PCDHGA2: variants seen among roughly 807,000 people sequenced by gnomAD.
The protein encoded by PCDHGA2 is protocadherin gamma-A2.
PCDHGA2 carries 40 observed loss-of-function variants against 59.2 expected under a neutral mutation model. That is an observed-to-expected ratio of 0.68 (90% CI 0.52 to 0.88). The LOEUF is 0.88. Ranked by LOEUF, PCDHGA2 falls within the 40% of genes least tolerant of loss-of-function variation. The pLI is 0.00. For synonymous variants in PCDHGA2, 560 were observed against 526.0 expected, an observed-to-expected ratio of 1.06 and a Z score of -0.89; for missense variants, 1,226 against 1,204.0, an observed-to-expected ratio of 1.02 and a Z score of -0.27.
intron 1 of PCDHGA2, chr5:141,355,561 G>A (rs754992757): frequency 5.0e-6 from 8 of 1,613,922 alleles, no homozygotes; most frequent in East Asian, 2.2e-5. Flanking sequence ...GCGGGTAGAG[G>A]TGGAAATAAT....
chr5:141,365,052 T>C (rs1179156267), intron 1 of PCDHGA2: 13 of 1,613,872 alleles, frequency 8.1e-6, no homozygotes, highest in Middle Eastern at 1.6e-4. Flanking sequence ...AATGCGCCCC[T>C]GTTCACCCCA....
intron 1 of PCDHGA2, chr5:141,399,381 C>T: frequency 1.2e-6 from 2 of 1,613,982 alleles, no homozygotes; most frequent in Non-Finnish European, 8.5e-7. Flanking sequence ...ATGTCACCAT[C>T]ACAGCCACAG....
At position 141,421,063 on chromosome 5, in the gene PCDHGA2, G is replaced by A. The variant is rs575695102; in HGVS notation, c.2425-73744G>A. 4.7e-4 allele frequency: 274 copies of A among 581,982 alleles called. 4 individuals are homozygous for A. The South Asian group carries it at 6.4e-3, about 14-fold the overall frequency. 36.1% of individuals were successfully genotyped at this position (581,982 alleles called of 1,614,324 possible). On this transcript the variant is annotated intron_variant, in intron 1 of 3. Transcript: ENST00000394576. ...CTCCCCCGCCTCTACCACACAAAGC[G>A]GAATGAGATGGATACTCACAGATCC... is the stretch of plus-strand genomic sequence containing the variant.
At chr5:141,344,090 C>G (rs200693710) in intron 1 of PCDHGA2, 5 of 1,613,426 alleles carry the variant, frequency 3.1e-6, no homozygotes, top group African/African-American at 1.3e-5. Context: ...TGTGCGCGCT[C>G]CTGGGGACGC....
chr5:141,355,573 G>A (rs781268450), intron 1 of PCDHGA2: 1 of 1,613,976 alleles, frequency 6.2e-7, no homozygotes, highest in Non-Finnish European at 8.5e-7. Context: ...GGAAATAATC[G>A]ATGTTAATGA....
chr5:141,357,026 T>A (rs1209829299), intron 1 of PCDHGA2: 1 of 1,613,970 alleles, frequency 6.2e-7, no homozygotes, highest in Non-Finnish European at 8.5e-7. Flanking sequence ...TACAGCCTAC[T>A]CAAGTCCAGC....
intron 1 of PCDHGA2, chr5:141,403,479 A>G: frequency 1.2e-6 from 2 of 1,613,848 alleles, no homozygotes; most frequent in Non-Finnish European, 1.7e-6. Flanking sequence ...AGCCCCAATC[A>G]CCACTTCTCC....
chr5:141,378,181 C>G (rs183481155), intron 1 of PCDHGA2: 2 of 152,302 alleles, frequency 1.3e-5, no homozygotes, highest in Admixed American at 6.5e-5. Flanking sequence ...AGCACCGATG[C>G]TGTGTGCCTA....
chr5:141,394,127 C>T lies in PCDHGA2; in HGVS notation c.2424+52732C>T, dbSNP rs376102299. 4.0e-5 allele frequency: 64 copies of T among 1,613,960 alleles called. No homozygotes were observed. The African/African-American group carries it at 7.1e-4, about 18-fold the overall frequency. ...CACCTCTGTCCACTGAAACTCAAAT[C>T]GCTCTGCACGTGGCAGACATTAACG... is the stretch of plus-strand genomic sequence containing the variant. On this transcript the variant is annotated intron_variant, in intron 1 of 3. Transcript: ENST00000394576.
At chr5:141,399,415 T>C in intron 1 of PCDHGA2, 1 of 1,613,974 alleles carries the variant, frequency 6.2e-7, no homozygotes, top group Non-Finnish European at 8.5e-7. Context: ...GCCCCTCTCC[T>C]CCAGCATAAG....
chr5:141,479,000 T>C (rs2099485433), intron 1 of PCDHGA2, among the ~76,000 whole-genome samples: 1 of 152,244 alleles, frequency 6.6e-6, no homozygotes, highest in Non-Finnish European at 1.5e-5. Flanking sequence ...TTAAAACTAA[T>C]AGCTTTTTGA....
intron 1 of PCDHGA2, chr5:141,414,410 G>A (rs1216701146): frequency 1.2e-6 from 2 of 1,613,856 alleles, no homozygotes; most frequent in Non-Finnish European, 1.7e-6. Context: ...GTGATACACA[G>A]AGCCCTTGAC....
intron 1 of PCDHGA2, chr5:141,354,990 CA>C (rs774913677): frequency 8.8e-5 from 56 of 635,190 alleles, no homozygotes; most frequent in Middle Eastern, 4.5e-4. Flanking sequence ...GTTCACCAAT[CA>C]GGGGGAAAAG....
intron 1 of PCDHGA2, chr5:141,394,707 C>T (rs1325466311): frequency 1.2e-6 from 2 of 1,613,272 alleles, no homozygotes; most frequent in Non-Finnish European, 1.7e-6. Context: ...GGCGCGAGCC[C>T]TGCTGGACAG....
At chr5:141,344,118 GGT>G in intron 1 of PCDHGA2, 1 of 1,613,992 alleles carries the variant, frequency 6.2e-7, no homozygotes, top group South Asian at 1.1e-5. Flanking sequence ...AACAGGATCC[GGT>G]CAGATCCGCT....
At chr5:141,344,593 AG>A in intron 1 of PCDHGA2, 5 of 1,613,956 alleles carry the variant, frequency 3.1e-6, no homozygotes, top group Non-Finnish European at 4.2e-6. Flanking sequence ...AGCGTCTCTG[AG>A]GGGGCCAAGT....
In PCDHGA2 at chr5:141,476,245, G is replaced by C; in HGVS notation, c.2425-18562G>C. 3.1e-6 allele frequency: 5 copies of C among 1,614,086 alleles called. No homozygotes were observed. The highest frequency in any genetic ancestry group is 3.4e-6 in the Non-Finnish European group (4 of 1,180,026). On this transcript the variant is annotated intron_variant, in intron 1 of 3. Transcript: ENST00000394576. This position sits in a 1 kb window ranked among gnomAD's most constrained non-coding sequence, Gnocchi z 7.6. The stretch of plus-strand genomic sequence containing the variant: ...ATGAGATCCCGGAGGAAAGAGAGAA[G>C]GGTTTCGCTGTGGGCAACGTGGTCG...
intron 1 of PCDHGA2, chr5:141,385,213 C>T (rs1481010729): frequency 1.7e-5 from 28 of 1,614,108 alleles, no homozygotes; most frequent in Non-Finnish European, 2.2e-5. Flanking sequence ...GATCTTCCCC[C>T]AGCCCAACTA....
rs1251686604 is a variant in PCDHGA2 at position 141,485,257 on chromosome 5, T to C, written c.2425-9550T>C. ...TCTTTTACCACCTGGGTTACGTTTG[T>C]GGGCAGATCCGCTACCCGGTCCCAG... is the stretch of plus-strand genomic sequence containing the variant. On this transcript the variant is annotated intron_variant, in intron 1 of 3. Coordinates refer to ENST00000394576, the MANE Select transcript of PCDHGA2 (RefSeq NM_018915.4). This position sits in a 1 kb window ranked among gnomAD's most constrained non-coding sequence, Gnocchi z 5.7. The C allele has an allele frequency of 6.2e-7, 1 of 1,614,154 alleles. No homozygotes were observed.
Sources: gnomAD v4.1 joint callset for allele counts (sites outside exome capture counted in the v4.1 genomes callset) on GRCh38, gnomAD v4.1.1 for gene constraint, Gnocchi (gnomAD v3.1) non-coding constraint, MANE v1.5 for transcripts, NCBI Gene and HGNC (gene_info 2026-07-23, HGNC 2026-07-21) for gene names.